The following RTCB variants were observed in gnomAD, a reference collection of about 807,000 sequenced individuals.
RTCB encodes the protein RNA 2',3'-cyclic phosphate and 5'-OH ligase, also known as RNA-splicing ligase RTCB.
Under a neutral mutation model 58.2 loss-of-function variants are expected in RTCB, and 32 were observed. The observed-to-expected ratio is 0.55, with a 90% CI of 0.41 to 0.74. The LOEUF (loss-of-function observed/expected upper bound fraction) is 0.74, where lower values mean the gene tolerates loss of function less well. Ranked by LOEUF, RTCB falls within the 30% of genes least tolerant of loss-of-function variation. The pLI, the probability that RTCB is intolerant of heterozygous loss-of-function variation, is 0.00. For synonymous variants in RTCB, 247 were observed against 218.6 expected, an observed-to-expected ratio of 1.13 and a Z score of -1.15; for missense variants, 523 against 639.0, an observed-to-expected ratio of 0.82 and a Z score of 1.96.
intron 10 of RTCB, 105 bp downstream of exon 10, chr22:32,393,787 A>C (rs780791927): frequency 5.0e-6 from 4 of 793,490 alleles, no homozygotes; most frequent in Non-Finnish European, 8.7e-6. Flanking sequence ...GATAGGCCCA[A>C]GTCTCAACTC....
intron 9 of RTCB, among the ~76,000 whole-genome samples, chr22:32,394,323 G>C (rs1343319198): frequency 6.6e-6 from 1 of 152,062 alleles, no homozygotes; most frequent in Non-Finnish European, 1.5e-5. Context: ...ATGTTAGCCA[G>C]GATGGTCTCG....
At chr22:32,388,677 A>G (rs1933100638) in intron 11 of RTCB, among the ~76,000 whole-genome samples, 1 of 152,130 alleles carries the variant, frequency 6.6e-6, no homozygotes, top group African/African-American at 2.4e-5. Flanking sequence ...CATCCTACCC[A>G]CACAGCCTTG....
chr22:32,403,679 C>T (rs1254718570), intron 4 of RTCB, among the ~76,000 whole-genome samples: 1 of 152,210 alleles, frequency 6.6e-6, no homozygotes, highest in South Asian at 2.1e-4. Flanking sequence ...TATCCTCCCA[C>T]CTCAGCCTCT....
intron 3 of RTCB, 200 bp downstream of exon 3, chr22:32,407,975 G>C: frequency 1.7e-6 from 1 of 583,528 alleles, no homozygotes; most frequent in Non-Finnish European, 3.1e-6. Flanking sequence ...GACTAGTCTT[G>C]AATTCCTGGG....
chr22:32,388,170 T>C (rs1452125085), intron 11 of RTCB, 71 bp from the exon 12 acceptor site: 1 of 917,042 alleles, frequency 1.1e-6, no homozygotes, highest in Non-Finnish European at 1.8e-6. Flanking sequence ...CAAACTTCAC[T>C]TGTGATGAAA....
At chr22:32,403,886 G>C (rs571843380) in intron 4 of RTCB, among the ~76,000 whole-genome samples, 55 of 152,270 alleles carry the variant, frequency 3.6e-4, no homozygotes, top group African/African-American at 1.3e-3. Flanking sequence ...TACTCTCTCT[G>C]TGAGTTTAAC....
chr22:32,392,622 A>G lies in RTCB; in HGVS notation c.1291-263T>C, dbSNP rs968814413. On this transcript the variant is annotated intron_variant, in intron 10 of 11. Coordinates refer to ENST00000216038, the MANE Select transcript of RTCB (RefSeq NM_014306.5). Reference sequence around the variant, plus strand: ...TCGCCTCTAAGACCCACTAAATGCCAATAGCAACTCCCACTAAACCATGAC... The same window carrying G: ...TCGCCTCTAAGACCCACTAAATGCCGATAGCAACTCCCACTAAACCATGAC... The G allele has an allele frequency of 1.5e-4, 85 of 565,998 alleles. 1 individual carries two copies. Among genetic ancestry groups the G allele is most frequent in the Non-Finnish European group, 1.6e-4 (50 of 313,616 alleles). The allele number at this position is 565,998 out of a possible 1,614,324, so 35.1% of individuals were successfully genotyped here. A position where few individuals can be genotyped will look rare whatever the true frequency, so the allele number is the denominator to read the frequency against.
intron 6 of RTCB, among the ~76,000 whole-genome samples, chr22:32,398,574 C>T (rs998163806): frequency 6.6e-6 from 1 of 152,092 alleles, no homozygotes; most frequent in Non-Finnish European, 1.5e-5. Context: ...ATACCTATGT[C>T]ACAAACCAGC....
chr22:32,392,446 A>T (rs775719721), intron 10 of RTCB, 87 bp from the exon 11 acceptor site: 74 of 1,539,558 alleles, frequency 4.8e-5, no homozygotes, highest in Non-Finnish European at 6.4e-5. Flanking sequence ...AAAGGAGCTT[A>T]AAAAAACATC....
At chr22:32,398,742 G>C (rs967637848) in intron 6 of RTCB, among the ~76,000 whole-genome samples, 1 of 152,136 alleles carries the variant, frequency 6.6e-6, no homozygotes, top group African/African-American at 2.4e-5. Context: ...CTTAGACAAG[G>C]TCCAAGTTCA....
Position 32,397,951 on chromosome 22 carries a change from T to C in RTCB, c.804A>G (p.Gln268=), listed in dbSNP as rs2077313933. The C allele has an allele frequency of 6.2e-7, 1 of 1,611,634 alleles. No individual in the cohort carries two copies. The highest frequency in any genetic ancestry group is 1.1e-5 in the South Asian group (1 of 90,324). ...IHSGSRGLGH[Q]VATDALVAME... is the part of the protein sequence containing the mutation. ...AAGTCTAGAATATACCTGTGGCTACTTGGTGGCCCAAGCCTCTGCTTCCAC... is the reference window on the plus strand; with the variant it reads ...AAGTCTAGAATATACCTGTGGCTACCTGGTGGCCCAAGCCTCTGCTTCCAC... The change falls in exon 7 of 12, where the codon CAA becomes CAG. Residue 268 remains glutamine, a synonymous_variant. Transcript: ENST00000216038.
intron 4 of RTCB, 104 bp downstream of exon 4, chr22:32,406,558 T>C (rs1253756007): frequency 1.4e-6 from 1 of 689,698 alleles, no homozygotes; most frequent in Non-Finnish European, 2.6e-6. Flanking sequence ...CTTGACCTCA[T>C]GATCCACCCG....
At chr22:32,402,610 C>G (rs558500459) in intron 4 of RTCB, among the ~76,000 whole-genome samples, 3 of 134,594 alleles carry the variant, frequency 2.2e-5, no homozygotes, top group African/African-American at 7.9e-5. Context: ...CCACCACACC[C>G]AGCTAATTTC....
At chr22:32,411,522 A>C (rs1933524175) in intron 1 of RTCB, among the ~76,000 whole-genome samples, 1 of 152,330 alleles carries the variant, frequency 6.6e-6, no homozygotes, top group Non-Finnish European at 1.5e-5. Flanking sequence ...TGTGAAGTGA[A>C]TATTAAAATC....
In RTCB at chr22:32,397,995, C is replaced by T. The variant is rs1173606829; in HGVS notation, c.760G>A (p.Val254Met). 1 of 1,614,164 alleles carries T rather than the reference C, an allele frequency of 6.2e-7. No individual in the cohort carries two copies. Among genetic ancestry groups the T allele is most frequent in the South Asian group, 1.1e-5 (1 of 91,080 alleles). ...KKMGIDHKGQVCVMIHSGSRG... is the reference protein window; with the variant it reads ...KKMGIDHKGQMCVMIHSGSRG... Reference sequence around the variant, plus strand: ...CTTCCACTGTGGATCATCACACACACCTGTCCCTTATGGTCGATGCCCATT... The same window carrying T: ...CTTCCACTGTGGATCATCACACACATCTGTCCCTTATGGTCGATGCCCATT... Residue 254 changes from valine (V) to methionine (M), a missense_variant, in exon 7 of 12, where the codon GTG becomes ATG. Val to Met is a conservative substitution (Grantham distance 21). Coordinates refer to ENST00000216038, the MANE Select transcript of RTCB (RefSeq NM_014306.5).
chr22:32,394,993 A>G (rs912380306), intron 9 of RTCB, 33 bp downstream of exon 9: 2 of 1,562,372 alleles, frequency 1.3e-6, no homozygotes, highest in African/African-American at 2.7e-5. Flanking sequence ...TCGTGCCCCC[A>G]CTGCTTAAAA....
intron 11 of RTCB, among the ~76,000 whole-genome samples, chr22:32,390,192 T>G (rs753246959): frequency 2.7e-4 from 41 of 152,224 alleles, no homozygotes; most frequent in Admixed American, 2.2e-3. Context: ...ACACACTGTA[T>G]GTTTTATTAT....
chr22:32,398,019 T>A lies in RTCB; in HGVS notation c.736A>T (p.Met246Leu), dbSNP rs1440952912. 6.2e-7 allele frequency: 1 copy of A among 1,613,916 alleles called. No individual in the cohort carries two copies. Among genetic ancestry groups the A allele is most frequent in the Non-Finnish European group, 8.5e-7 (1 of 1,179,928 alleles). Reference sequence around the variant, plus strand: ...ACCTGTCCCTTATGGTCGATGCCCATTTTTTTAGCAGCATACTCATTGAAA... The same window carrying A: ...ACCTGTCCCTTATGGTCGATGCCCAATTTTTTAGCAGCATACTCATTGAAA... Reference protein sequence around the residue: ...EIFNEYAAKKMGIDHKGQVCV... With the variant: ...EIFNEYAAKKLGIDHKGQVCV... The change falls in exon 7 of 12, where the codon ATG (methionine) becomes TTG (leucine). Residue 246 changes from methionine to leucine, a missense_variant. Met to Leu is a conservative substitution (Grantham distance 15). Around this residue, in one of 3 missense-constraint regions of RTCB, gnomAD observed 141 missense variants for 216.7 expected, o/e 0.65. Transcript: ENST00000216038.
chr22:32,398,130 G>T, intron 6 of RTCB, 30 bp from the exon 7 acceptor site: 1 of 1,582,976 alleles, frequency 6.3e-7, no homozygotes, highest in Non-Finnish European at 8.5e-7. Flanking sequence ...TGGTAAGATA[G>T]TTTTTATTCC....
Sources: allele counts gnomAD v4.1 joint callset (sites outside exome capture counted in the v4.1 genomes callset), GRCh38; gene constraint gnomAD v4.1.1; regional missense constraint gnomAD v4.1.1; transcripts MANE v1.5; gene names NCBI Gene and HGNC (gene_info 2026-07-23, HGNC 2026-07-21).